Variants in CHRM3 observed in about 807,000 individuals in gnomAD.
CHRM3 encodes cholinergic receptor muscarinic 3, also known as muscarinic acetylcholine receptor M3.
In CHRM3, 11 loss-of-function variants were observed where a neutral mutation model predicts 41.8. The ratio of observed to expected loss-of-function variants is 0.26; its 90% CI spans 0.17 to 0.44. The LOEUF is 0.44. Among genes scored for constraint, CHRM3 ranks in the 20% least tolerant of loss-of-function variants. The probability of loss-of-function intolerance (pLI) is 1.00; values close to 1 mark genes in which losing one functional copy is unlikely to be tolerated. For synonymous variants in CHRM3, 297 were observed against 301.4 expected (o/e 0.99, Z 0.15); for missense variants, 571 against 745.4 (o/e 0.77, Z 2.72).
chr1:239,711,315 G>A (rs972310663), intron 5 of CHRM3, among the ~76,000 whole-genome samples: 1 of 151,794 alleles, frequency 6.6e-6, no homozygotes, highest in African/African-American at 2.4e-5. Context: ...TGAGTCCCGG[G>A]TGCTCCCCAA....
chr1:239,740,844 A>G (rs1016443237), intron 5 of CHRM3, among the ~76,000 whole-genome samples: 8 of 152,212 alleles, frequency 5.3e-5, no homozygotes, highest in South Asian at 2.1e-4. Flanking sequence ...GTGGAGAAAT[A>G]AGAATGCTTT....
chr1:239,703,494 T>A (rs1660871716), intron 5 of CHRM3: 1 of 152,180 alleles, frequency 6.6e-6, no homozygotes, highest in East Asian at 1.9e-4. Flanking sequence ...AATCTGTTAT[T>A]TTCTTTTATC....
chr1:239,735,569 A>C (rs1664327880), intron 5 of CHRM3, among the ~76,000 whole-genome samples: 1 of 152,188 alleles, frequency 6.6e-6, no homozygotes, highest in African/African-American at 2.4e-5. Context: ...AATCAAATAA[A>C]ACTGATGAAT....
chr1:239,441,440 G>A (rs1663710334), intron 1 of CHRM3, among the ~76,000 whole-genome samples: 1 of 152,150 alleles, frequency 6.6e-6, no homozygotes, highest in African/African-American at 2.4e-5. Flanking sequence ...CATTTCCATT[G>A]CTTCATTTCT....
chr1:239,788,678 A>G (rs1405291161), intron 5 of CHRM3, among the ~76,000 whole-genome samples: 1 of 152,090 alleles, frequency 6.6e-6, no homozygotes, highest in African/African-American at 2.4e-5. Flanking sequence ...AGGTAGGAGA[A>G]TTGCTTGAAC....
intron 6 of CHRM3, among the ~76,000 whole-genome samples, chr1:239,832,344 T>C (rs1227553201): frequency 2.0e-5 from 3 of 152,224 alleles, no homozygotes; most frequent in African/African-American, 7.2e-5. Flanking sequence ...AGCACATCTG[T>C]ATTTCCATGG....
intron 5 of CHRM3, among the ~76,000 whole-genome samples, chr1:239,695,884 A>G (rs1242599595): frequency 6.6e-6 from 1 of 152,168 alleles, no homozygotes; most frequent in Non-Finnish European, 1.5e-5. Flanking sequence ...TGCACAATTC[A>G]TGTGCACTAA....
At chr1:239,892,714 C>G (rs544461225) in intron 6 of CHRM3, among the ~76,000 whole-genome samples, 2 of 152,218 alleles carry the variant, frequency 1.3e-5, no homozygotes, top group African/African-American at 4.8e-5. Context: ...ATTGGCCTCA[C>G]TGATGCTGAG....
intron 4 of CHRM3, among the ~76,000 whole-genome samples, chr1:239,669,917 C>T (rs894255412): frequency 6.6e-5 from 10 of 152,072 alleles, no homozygotes; most frequent in African/African-American, 2.4e-4. Context: ...CCTCCTTTCC[C>T]ACAAATGCTG....
In CHRM3 at chr1:239,909,161, G is replaced by A; in HGVS notation, c.1710G>A (p.Lys570=). The change falls in exon 7 of 7, where the codon AAG becomes AAA. Residue 570 remains lysine, a synonymous_variant. Coordinates refer to ENST00000676153, the MANE Select transcript of CHRM3 (RefSeq NM_001375978.1). ...AGTGTGACAAAAAAAAGAGGCGCAA[G>A]CAGCAGTACCAGCAGAGACAGTCGG... The part of the protein sequence containing the change: ...LCQCDKKKRR[K]QQYQQRQSVI... 1 of 1,614,044 alleles carries A rather than the reference G, an allele frequency of 6.2e-7. No individual in the cohort carries two copies. Among genetic ancestry groups the A allele is most frequent in the Non-Finnish European group, 8.5e-7 (1 of 1,180,026 alleles).
intron 5 of CHRM3, among the ~76,000 whole-genome samples, chr1:239,709,202 A>C (rs1440036610): frequency 6.6e-6 from 1 of 152,180 alleles, no homozygotes; most frequent in East Asian, 1.9e-4. Flanking sequence ...GGCCAGTCAC[A>C]TCAACATTTC....
intron 1 of CHRM3, among the ~76,000 whole-genome samples, chr1:239,446,780 G>C (rs1324612054): frequency 6.6e-6 from 1 of 152,194 alleles, no homozygotes; most frequent in Admixed American, 6.5e-5. Flanking sequence ...ACTATTTGAA[G>C]TGGTGGAAAG....
intron 5 of CHRM3, among the ~76,000 whole-genome samples, chr1:239,731,786 T>C (rs1413543007): frequency 6.6e-6 from 1 of 151,986 alleles, no homozygotes; most frequent in Non-Finnish European, 1.5e-5. Context: ...GCCATTAAGA[T>C]TGTTTCCTCA....
chr1:239,506,614 T>C (rs1298503014), intron 2 of CHRM3, among the ~76,000 whole-genome samples: 2 of 152,122 alleles, frequency 1.3e-5, no homozygotes. Context: ...AGAAGTGAAA[T>C]ATGGGGTCAG....
intron 5 of CHRM3, among the ~76,000 whole-genome samples, chr1:239,723,601 C>T (rs2148358317): frequency 6.6e-6 from 1 of 152,026 alleles, no homozygotes; most frequent in Non-Finnish European, 1.5e-5. Context: ...TCGAAAAATT[C>T]CTGTATGCCA....
At chr1:239,449,337 T>C (rs1336416672) in intron 1 of CHRM3, among the ~76,000 whole-genome samples, 3 of 152,172 alleles carry the variant, frequency 2.0e-5, no homozygotes, top group Non-Finnish European at 4.4e-5. Flanking sequence ...CAAGTCTTTT[T>C]AAAGGAAAGT....
In CHRM3 at chr1:239,909,431, AC is replaced by A. The variant is rs886471084; in HGVS notation, c.*208del. The A allele has an allele frequency of 3.4e-5, 17 of 497,142 alleles. No individual in the cohort carries two copies. Among genetic ancestry groups the A allele is most frequent in the Middle Eastern group, 5.3e-4 (1 of 1,902 alleles). 30.8% of individuals were successfully genotyped at this position (497,142 alleles called of 1,614,324 possible). A position where few individuals can be genotyped will look rare whatever the true frequency, so the allele number is the denominator to read the frequency against. On this transcript the variant is annotated 3_prime_UTR_variant, in exon 7 of 7. Coordinates refer to ENST00000676153, the MANE Select transcript of CHRM3 (RefSeq NM_001375978.1). ...CCAATTCAGCAAAAAGAAAAAAAAA[AC>A]ATACTACTGAATATAAAGAAATTTA...
intron 3 of CHRM3, among the ~76,000 whole-genome samples, chr1:239,596,870 C>A (rs1276792569): frequency 1.3e-5 from 2 of 151,954 alleles, no homozygotes; most frequent in Non-Finnish European, 2.9e-5. Flanking sequence ...GTACAAGTGA[C>A]CAAAAATTTT....
chr1:239,442,493 A>C (rs1663809502), intron 1 of CHRM3, among the ~76,000 whole-genome samples: 1 of 151,994 alleles, frequency 6.6e-6, no homozygotes, highest in Non-Finnish European at 1.5e-5. Flanking sequence ...TTCAGGGTGA[A>C]AGATGTGAAC....
Sources: gnomAD v4.1 joint callset for allele counts (sites outside exome capture counted in the v4.1 genomes callset) on GRCh38, gnomAD v4.1.1 for gene constraint, MANE v1.5 for transcripts, NCBI Gene and HGNC (gene_info 2026-07-23, HGNC 2026-07-21) for gene names.